The following SLC35F3 variants were observed in gnomAD, a reference collection of about 807,000 sequenced individuals.
SLC35F3 encodes the protein solute carrier family 35 member F3, also known as putative thiamine transporter SLC35F3.
SLC35F3 carries 25 observed loss-of-function variants against 49.9 expected under a neutral mutation model. The ratio of observed to expected loss-of-function variants is 0.50; its 90% confidence interval spans 0.37 to 0.70. The LOEUF is 0.70. SLC35F3 is among the 30% of genes least tolerant of loss of function. The probability of loss-of-function intolerance (pLI) is 0.00; values close to 1 mark genes in which losing one functional copy is unlikely to be tolerated. For synonymous variants in SLC35F3, 275 were observed against 265.4 expected (o/e 1.04, Z -0.35); for missense variants, 525 against 639.8 (o/e 0.82, Z 1.94).
intron 3 of SLC35F3, among the ~76,000 whole-genome samples, chr1:234,263,282 A>G (rs1667932817): frequency 6.6e-6 from 1 of 152,214 alleles, no homozygotes; most frequent in South Asian, 2.1e-4. Flanking sequence ...TAAAAGAGAT[A>G]TGAATTTTAA....
intron 3 of SLC35F3, among the ~76,000 whole-genome samples, chr1:234,240,209 C>T (rs1667531986): frequency 6.6e-6 from 1 of 152,186 alleles, no homozygotes; most frequent in African/African-American, 2.4e-5. Flanking sequence ...GTGGCTCATG[C>T]CTGTAATCCC....
At chr1:234,251,387 C>T (rs746997186) in intron 3 of SLC35F3, among the ~76,000 whole-genome samples, 26 of 148,966 alleles carry the variant, frequency 1.7e-4, no homozygotes, top group Non-Finnish European at 3.0e-4. Flanking sequence ...CCCTTTCGCC[C>T]GATAGGGTAA....
intron 2 of SLC35F3, among the ~76,000 whole-genome samples, chr1:234,154,090 G>A (rs1355688722): frequency 6.6e-6 from 1 of 151,904 alleles, no homozygotes; most frequent in African/African-American, 2.4e-5. Flanking sequence ...CAAAAAACTA[G>A]CTGGGTGGGG....
chr1:234,031,791 G>A (rs1333076437), intron 2 of SLC35F3, among the ~76,000 whole-genome samples: 1 of 152,102 alleles, frequency 6.6e-6, no homozygotes, highest in Non-Finnish European at 1.5e-5. Context: ...CCATTTCAAG[G>A]TCTCCTGCCT....
chr1:233,922,047 G>A (rs1662071363), intron 2 of SLC35F3, among the ~76,000 whole-genome samples: 1 of 152,136 alleles, frequency 6.6e-6, no homozygotes, highest in Non-Finnish European at 1.5e-5. Flanking sequence ...TATCATTGTT[G>A]GACATTTGGC....
intron 3 of SLC35F3, among the ~76,000 whole-genome samples, chr1:234,290,446 A>G (rs909613478): frequency 6.6e-5 from 10 of 152,270 alleles, no homozygotes; most frequent in South Asian, 2.1e-4. Flanking sequence ...TATAAAAAGT[A>G]TACTCCCACA....
At chr1:233,933,768 A>AAGGCGT (rs1316396579) in intron 2 of SLC35F3, among the ~76,000 whole-genome samples, 1 of 152,122 alleles carries the variant, frequency 6.6e-6, no homozygotes, top group Non-Finnish European at 1.5e-5. Flanking sequence ...TTGAACCTGG[A>AAGGCGT]AGGCGTAGGC....
At chr1:234,267,193 G>T (rs1197765478) in intron 3 of SLC35F3, among the ~76,000 whole-genome samples, 1 of 128,264 alleles carries the variant, frequency 7.8e-6, no homozygotes, top group Non-Finnish European at 1.6e-5. Context: ...ACAGGGTTGG[G>T]GATAAGGTCA....
chr1:234,052,008 T>TA (rs745915366), intron 2 of SLC35F3, among the ~76,000 whole-genome samples: 260 of 152,358 alleles, frequency 1.7e-3, no homozygotes, highest in Non-Finnish European at 2.2e-3. Context: ...TCGTGGTGGA[T>TA]AAGCTTTTTG....
intron 3 of SLC35F3, among the ~76,000 whole-genome samples, chr1:234,233,408 C>T (rs1273997365): frequency 1.3e-5 from 2 of 152,206 alleles, no homozygotes; most frequent in African/African-American, 4.8e-5. Flanking sequence ...TTTCCTGCTA[C>T]CTTCAACCAT....
intron 2 of SLC35F3, among the ~76,000 whole-genome samples, chr1:233,949,570 C>G (rs924474207): frequency 2.0e-5 from 3 of 152,136 alleles, no homozygotes; most frequent in Admixed American, 2.0e-4. Flanking sequence ...GTGGATGGAT[C>G]AAGTGGCTAG....
Position 233,904,920 on chromosome 1 carries a change from C to A in SLC35F3, c.-158C>A. On this transcript the variant is annotated 5_prime_UTR_variant, in exon 1 of 8. Transcript: ENST00000366618. ...CGCGGAGGCGCTCGGGTACAGACCG[C>A]GCGGGCGCGCACAAAGCGGCCCGGG... is the stretch of plus-strand genomic sequence containing the variant. 2.8e-6 allele frequency: 2 copies of A among 703,852 alleles called. No homozygotes were observed. Among genetic ancestry groups the A allele is most frequent in the Non-Finnish European group, 4.4e-6 (2 of 459,618 alleles). 43.6% of individuals were successfully genotyped at this position (703,852 alleles called of 1,614,324 possible).
At chr1:233,963,674 A>G (rs1662847058) in intron 2 of SLC35F3, among the ~76,000 whole-genome samples, 1 of 152,198 alleles carries the variant, frequency 6.6e-6, no homozygotes, top group East Asian at 1.9e-4. Flanking sequence ...GGGTGAGGGC[A>G]GAGTTCCACA....
chr1:234,095,886 A>G (rs1282592529), intron 2 of SLC35F3, among the ~76,000 whole-genome samples: 1 of 152,264 alleles, frequency 6.6e-6, no homozygotes, highest in Non-Finnish European at 1.5e-5. Flanking sequence ...CTGGCACATC[A>G]TAAAGTCTCA....
In SLC35F3 at chr1:234,266,631, C is replaced by T. The variant is rs566667254; in HGVS notation, c.608+34890C>T. 3.3e-5 allele frequency among the ~76,000 whole-genome samples: 5 copies of T among 152,292 alleles called. No homozygotes were observed. In the South Asian group the frequency reaches 8.3e-4, roughly 25 times the overall value. Reference sequence around the variant, plus strand: ...TATAGTGTACTTACACAAGCCTCGACGGTATAGCCTGCTGCACACCTAGGC... The same window carrying T: ...TATAGTGTACTTACACAAGCCTCGATGGTATAGCCTGCTGCACACCTAGGC... On this transcript the variant is annotated intron_variant, in intron 3 of 7. Coordinates refer to ENST00000366618, the MANE Select transcript of SLC35F3 (RefSeq NM_173508.4).
intron 3 of SLC35F3, among the ~76,000 whole-genome samples, chr1:234,259,834 T>C (rs1224949675): frequency 1.1e-4 from 16 of 152,152 alleles, no homozygotes; most frequent in African/African-American, 3.9e-4. Flanking sequence ...CCATGAGCTA[T>C]AGATATCACT....
Position 233,926,619 on chromosome 1 carries a change from C to T in SLC35F3, c.283+20861C>T, listed in dbSNP as rs1662164531. 3.3e-5 allele frequency among the ~76,000 whole-genome samples: 5 copies of T among 152,182 alleles called. No homozygotes were observed. The South Asian group carries it at 1.0e-3, about 32-fold the overall frequency. The stretch of plus-strand genomic sequence containing the variant: ...GGAGAAGTTTGTTATTACCGATCTT[C>T]TGAAGCCTACTTCTGTCAACTCATC... On this transcript the variant is annotated intron_variant, in intron 2 of 7. Transcript: ENST00000366618.
At chr1:233,939,780 G>C (rs1275072820) in intron 2 of SLC35F3, among the ~76,000 whole-genome samples, 3 of 152,116 alleles carry the variant, frequency 2.0e-5, no homozygotes, top group East Asian at 1.9e-4. Context: ...TTAGGAGAAT[G>C]GTTCACTTAA....
At chr1:234,021,669 G>A (rs10910328) in intron 2 of SLC35F3, among the ~76,000 whole-genome samples, 7,313 of 152,192 alleles carry the variant, frequency 0.048, 335 homozygotes, top group East Asian at 0.15. Context: ...TTGAAACTTG[G>A]GAAAGAGCTT....
Sources: gnomAD v4.1 joint callset for allele counts (sites outside exome capture counted in the v4.1 genomes callset) on GRCh38, gnomAD v4.1.1 for gene constraint, MANE v1.5 for transcripts, NCBI Gene and HGNC (gene_info 2026-07-23, HGNC 2026-07-21) for gene names.